PSD4: variants seen among roughly 807,000 people sequenced by gnomAD.
PSD4 encodes the protein PH and SEC7 domain-containing protein 4.
A neutral mutation model predicts 112.5 loss-of-function variants in PSD4; 59 were observed. The ratio of observed to expected loss-of-function variants is 0.52; its 90% CI spans 0.43 to 0.65. The LOEUF is 0.65. PSD4 is among the 30% of genes least tolerant of loss of function. The pLI, the probability that PSD4 is intolerant of heterozygous loss-of-function variation, is 0.00. For synonymous variants in PSD4, 533 were observed against 540.0 expected, an observed-to-expected ratio of 0.99 and a Z score of 0.18; for missense variants, 1,267 against 1,352.6, an observed-to-expected ratio of 0.94 and a Z score of 0.99.
At chr2:113,174,321 C>T (rs113219715) in intron 1 of PSD4, among the ~76,000 whole-genome samples, 143 of 152,320 alleles carry the variant, frequency 9.4e-4, no homozygotes, top group African/African-American at 3.2e-3. Context: ...CCTGGCCCCA[C>T]GGACCTCTGT....
chr2:113,191,469 G>A (rs770673012), intron 5 of PSD4, among the ~76,000 whole-genome samples: 11 of 152,074 alleles, frequency 7.2e-5, no homozygotes, highest in Non-Finnish European at 1.5e-4. Flanking sequence ...ACAGCGTTTC[G>A]CCATGATGGC....
rs1688864486 is a variant in PSD4, at chr2:113,206,421, A to G, written c.*5006A>G. On this transcript the variant is annotated 3_prime_UTR_variant, in exon 17 of 17. Coordinates refer to ENST00000245796, the MANE Select transcript of PSD4 (RefSeq NM_012455.3). Reference sequence around the variant, plus strand: ...GATGCCTTCTCAGCCTTCTTCCGCCATCACCTCTCAGCGACCTTTGGCCTT... The same window carrying G: ...GATGCCTTCTCAGCCTTCTTCCGCCGTCACCTCTCAGCGACCTTTGGCCTT... 6.6e-6 allele frequency: 1 copy of G among 152,288 alleles called. No individual in the cohort carries two copies. The highest frequency in any genetic ancestry group is 1.5e-5 in the Non-Finnish European group (1 of 68,068). 9.4% of individuals were successfully genotyped at this position (152,288 alleles called of 1,614,324 possible).
intron 1 of PSD4, among the ~76,000 whole-genome samples, chr2:113,182,135 G>T (rs1688151978): frequency 1.3e-5 from 2 of 152,214 alleles, no homozygotes; most frequent in Non-Finnish European, 2.9e-5. Flanking sequence ...GTGTCTTTGG[G>T]GCAGGTGCTG....
Position 113,192,514 on chromosome 2 carries a change from C to A in PSD4, c.1763C>A (p.Ala588Asp), listed in dbSNP as rs1380458917. ...AATGGCGTCAGGAACAACAAGGTAG[C>A]CTGGAACTTGGCCTCACGCCTCTAT... ...LANGVRNNKV[A>D]WNLASRLYRL... Residue 588 changes from alanine (A) to aspartate (D), a missense_variant, in exon 6 of 17, where the codon GCC (alanine) becomes GAC (aspartate). Physicochemically the swap from Ala to Asp is moderately radical, Grantham distance 126 (BLOSUM62 -2). Transcript: ENST00000245796. The A allele has an allele frequency of 6.2e-7, 1 of 1,614,226 alleles. No homozygotes were observed. Among genetic ancestry groups the A allele is most frequent in the Non-Finnish European group, 8.5e-7 (1 of 1,180,040 alleles).
chr2:113,182,984 G>A lies in PSD4; in HGVS notation c.528G>A (p.Lys176=). 6.2e-7 allele frequency: 1 copy of A among 1,614,194 alleles called. No individual in the cohort carries two copies. The highest frequency in any genetic ancestry group is 8.5e-7 in the Non-Finnish European group (1 of 1,180,036). ...CVLDLEEELE[K]TEGLKAGLKC... ...TAGACCTGGAGGAGGAGCTGGAGAA[G>A]ACGGAAGGGCTCAAGGCTGGGCTGA... The change falls in exon 2 of 17, where the codon AAG becomes AAA. Residue 176 remains lysine, a synonymous_variant. Transcript: ENST00000245796.
chr2:113,176,231 G>A (rs998711438), intron 1 of PSD4, among the ~76,000 whole-genome samples: 1 of 152,192 alleles, frequency 6.6e-6, no homozygotes, highest in Non-Finnish European at 1.5e-5. Context: ...AGAAAGCACC[G>A]TCCGGGTGCC....
At chr2:113,175,042 G>A (rs942789855) in intron 1 of PSD4, among the ~76,000 whole-genome samples, 3 of 152,092 alleles carry the variant, frequency 2.0e-5, no homozygotes, top group East Asian at 1.9e-4. Context: ...ACAAGGAACC[G>A]CCTAGCATGG....
chr2:113,175,338 G>C (rs1280409135), intron 1 of PSD4: 2 of 145,056 alleles, frequency 1.4e-5, no homozygotes, highest in East Asian at 4.3e-4. Flanking sequence ...CAGTAGCACT[G>C]TCTTCTCTCT....
intron 14 of PSD4, 141 bp downstream of exon 14, chr2:113,198,054 C>T (rs533026509): frequency 1.8e-6 from 2 of 1,091,064 alleles, no homozygotes; most frequent in Admixed American, 3.3e-5. Context: ...TCTTAGAAAG[C>T]GGCAGCAGGA....
In PSD4 at chr2:113,185,883, G is replaced by T; in HGVS notation, c.1256G>T (p.Arg419Met). ...ACTTCATGTTCTTCCTCAGATGAGAGGGAGGGTGGACACCCCCAGGAATCT... is the reference window on the plus strand; with the variant it reads ...ACTTCATGTTCTTCCTCAGATGAGATGGAGGGTGGACACCCCCAGGAATCT... ...VTLNSQDRDE[R>M]EGGHPQESLP... Residue 419 changes from arginine to methionine, a missense_variant, in exon 5 of 17, where the codon AGG becomes ATG. Physicochemically the swap from Arg to Met is moderately conservative, Grantham distance 91. Coordinates refer to ENST00000245796, the MANE Select transcript of PSD4 (RefSeq NM_012455.3). 6.2e-7 allele frequency: 1 copy of T among 1,610,542 alleles called. No individual in the cohort carries two copies. The highest frequency in any genetic ancestry group is 1.1e-5 in the South Asian group (1 of 90,530).
chr2:113,185,443 G>A lies in PSD4; in HGVS notation c.1249+3G>A. 1 of 1,614,196 alleles carries A rather than the reference G, an allele frequency of 6.2e-7. No homozygotes were observed. The highest frequency in any genetic ancestry group is 2.2e-5 in the East Asian group (1 of 44,876). On this transcript the variant is annotated splice_donor_region_variant and intron_variant, in intron 4 of 16. Coordinates refer to ENST00000245796, the MANE Select transcript of PSD4 (RefSeq NM_012455.3). ...GACTCTTAACTCCCAGGACAGAGGT[G>A]AGCCCTAATAAGGGGGTTTGGGAAA...
intron 16 of PSD4, among the ~76,000 whole-genome samples, chr2:113,200,664 G>C (rs1443284158): frequency 6.6e-6 from 1 of 152,214 alleles, no homozygotes; most frequent in Non-Finnish European, 1.5e-5. Flanking sequence ...GAAGCACTTT[G>C]TAAACTGGAA....
Position 113,186,275 on chromosome 2 carries a change from G to A in PSD4, c.1628+20G>A. On this transcript the variant is annotated intron_variant, in intron 5 of 16. Coordinates refer to ENST00000245796, the MANE Select transcript of PSD4 (RefSeq NM_012455.3). ...AGAACAGTAAGTCTCAGACTAACTG[G>A]CTCTCATGCTCCTAATTATGGATGC... 1.3e-6 allele frequency: 2 copies of A among 1,539,316 alleles called. No individual in the cohort carries two copies. Among genetic ancestry groups the A allele is most frequent in the Non-Finnish European group, 1.7e-6 (2 of 1,142,970 alleles).
At chr2:113,177,543 C>T (rs563600408) in intron 1 of PSD4, among the ~76,000 whole-genome samples, 14 of 152,272 alleles carry the variant, frequency 9.2e-5, no homozygotes, top group South Asian at 4.1e-4. Flanking sequence ...AACCTGGGTT[C>T]GCACACCAGC....
At chr2:113,193,410 T>C (rs1194301416) in intron 8 of PSD4, 40 bp downstream of exon 8, 22 of 1,589,940 alleles carry the variant, frequency 1.4e-5, no homozygotes, top group Non-Finnish European at 1.7e-5. Context: ...CAGGGAAACT[T>C]TGGGGTGCCC....
intron 5 of PSD4, among the ~76,000 whole-genome samples, chr2:113,188,431 AG>A (rs1213097582): frequency 6.6e-6 from 1 of 151,294 alleles, no homozygotes; most frequent in African/African-American, 2.4e-5. Flanking sequence ...TTTAGTAGAG[AG>A]GGGGCTTCAC....
At chr2:113,185,094 G>T (rs780667845) in intron 3 of PSD4, 21 bp downstream of exon 3, 145 of 1,613,772 alleles carry the variant, frequency 9.0e-5, no homozygotes, top group Non-Finnish European at 1.1e-4. Flanking sequence ...TCCCCTTTCT[G>T]GGCCTTACTT....
rs1164386433 is a variant in PSD4, at chr2:113,195,723, C to G, written c.2182-4C>G. ...CCCTGCCCACCTGTGTGCTTCTGTTCCAGGCCCTCTACTGGTCTATCCGCA... is the reference window on the plus strand; with the variant it reads ...CCCTGCCCACCTGTGTGCTTCTGTTGCAGGCCCTCTACTGGTCTATCCGCA... On this transcript the variant is annotated splice_polypyrimidine_tract_variant and splice_region_variant and intron_variant, in intron 10 of 16. Transcript: ENST00000245796. 1 of 1,614,180 alleles carries G rather than the reference C, an allele frequency of 6.2e-7. No individual in the cohort carries two copies. The highest frequency in any genetic ancestry group is 1.1e-5 in the South Asian group (1 of 91,082).
Position 113,201,924 on chromosome 2 carries a change from G to C in PSD4, c.*509G>C, listed in dbSNP as rs1448411793. On this transcript the variant is annotated 3_prime_UTR_variant, in exon 17 of 17. Transcript: ENST00000245796. ...AGGTGACCTTCCTGGGGAGGCCCCA[G>C]GAGAGTGAATCAGGGACTCTTGAGA... 6.3e-6 allele frequency: 1 copy of C among 157,556 alleles called. No individual in the cohort carries two copies. The highest frequency in any genetic ancestry group is 2.4e-5 in the African/African-American group (1 of 41,484). The allele number at this position is 157,556 out of a possible 1,614,324, so 9.8% of individuals were successfully genotyped here.
Sources: allele counts gnomAD v4.1 joint callset (sites outside exome capture counted in the v4.1 genomes callset), GRCh38; gene constraint gnomAD v4.1.1; transcripts MANE v1.5; gene names NCBI Gene and HGNC (gene_info 2026-07-23, HGNC 2026-07-21).